The following AOPEP variants were observed in gnomAD, a reference collection of about 807,000 sequenced individuals.
AOPEP encodes aminopeptidase O (putative).
In AOPEP, 77 loss-of-function variants were observed where a neutral mutation model predicts 98.1. The ratio of observed to expected loss-of-function variants is 0.78; its 90% CI spans 0.65 to 0.95. The LOEUF is 0.95. AOPEP is among the 40% of genes least tolerant of loss of function. The pLI, the probability that AOPEP is intolerant of heterozygous loss-of-function variation, is 0.00. For missense variants in AOPEP, 1,024 were observed against 1,024.7 expected, an observed-to-expected ratio of 1.00 and a Z score of 0.01; for synonymous variants, 346 against 365.3, an observed-to-expected ratio of 0.95 and a Z score of 0.60.
the AOPEP span, among the ~76,000 whole-genome samples, chr9:95,115,139 A>G: frequency 6.6e-6 from 1 of 152,094 alleles, no homozygotes; most frequent in Non-Finnish European, 1.5e-5. Flanking sequence ...ATGAGGTTTC[A>G]CTATGTTTCT....
chr9:95,149,623 C>A, the AOPEP span, among the ~76,000 whole-genome samples: 2 of 151,966 alleles, frequency 1.3e-5, no homozygotes, highest in Admixed American at 1.3e-4. Context: ...GGATTAGAGG[C>A]ACACACCACC....
chr9:94,831,307 G>A (rs1314218347), intron 5 of AOPEP, among the ~76,000 whole-genome samples: 2 of 152,180 alleles, frequency 1.3e-5, no homozygotes, highest in Non-Finnish European at 2.9e-5. Flanking sequence ...TTATTAAATA[G>A]GGAATCCTTT....
chr9:94,795,082 A>C (rs1258385179), intron 4 of AOPEP, among the ~76,000 whole-genome samples: 2 of 152,248 alleles, frequency 1.3e-5, no homozygotes, highest in Non-Finnish European at 2.9e-5. Flanking sequence ...CCTGCAAAAC[A>C]GATTGGATAG....
At chr9:94,743,253 GGAA>G (rs139005545) in intron 1 of AOPEP, among the ~76,000 whole-genome samples, 44 of 129,612 alleles carry the variant, frequency 3.4e-4, no homozygotes, top group Non-Finnish European at 4.8e-4. Context: ...AGGAAGAAGA[GGAA>G]GAAGAAGAAG....
chr9:94,841,578 T>C (rs1407292354), intron 5 of AOPEP, among the ~76,000 whole-genome samples: 2 of 152,246 alleles, frequency 1.3e-5, no homozygotes, highest in Non-Finnish European at 2.9e-5. Flanking sequence ...AGATGTGTGT[T>C]GTTTGAGTTG....
At chr9:94,895,598 C>CT (rs1056278704) in intron 5 of AOPEP, among the ~76,000 whole-genome samples, 14 of 151,238 alleles carry the variant, frequency 9.3e-5, no homozygotes, top group Non-Finnish European at 2.1e-4. Flanking sequence ...TTTCTTTTTT[C>CT]TTTTTTTTGA....
chr9:94,793,041 G>T (rs1476935482), intron 4 of AOPEP, 123 bp downstream of exon 4: 30 of 1,128,698 alleles, frequency 2.7e-5, no homozygotes, highest in Non-Finnish European at 3.5e-5. Flanking sequence ...ACCAAAATAG[G>T]ATTAATCAAA....
chr9:94,736,821 T>C (rs374872316), intron 1 of AOPEP, among the ~76,000 whole-genome samples: 2 of 152,224 alleles, frequency 1.3e-5, no homozygotes, highest in African/African-American at 4.8e-5. Context: ...TCAACTGTGG[T>C]ACTCAAAATC....
chr9:95,136,491 T>TA, the AOPEP span, among the ~76,000 whole-genome samples: 191 of 144,296 alleles, frequency 1.3e-3, no homozygotes, highest in Middle Eastern at 7.2e-3. Context: ...AAGATTCCTT[T>TA]AAAAAAAAAA....
At chr9:94,987,214 C>T (rs980628422) in intron 11 of AOPEP, among the ~76,000 whole-genome samples, 9 of 152,332 alleles carry the variant, frequency 5.9e-5, no homozygotes, top group South Asian at 4.1e-4. Context: ...AAATAACTGA[C>T]GTAAGGCAGA....
intron 11 of AOPEP, among the ~76,000 whole-genome samples, chr9:94,987,941 T>A (rs1026396013): frequency 2.0e-5 from 3 of 152,002 alleles, no homozygotes; most frequent in Non-Finnish European, 2.9e-5. Flanking sequence ...CATGTTTAGA[T>A]AAACATGGTC....
chr9:94,800,926 G>A lies in AOPEP; in HGVS notation c.1288G>A (p.Val430Ile), dbSNP rs766134477. The stretch of plus-strand genomic sequence containing the variant: ...TCCTTGCCTCTCAGCAGCACATTCT[G>A]TTCTGGGAGCACACCCGTTCTCTCG... ...IPPCLSAAHS[V>I]LGAHPFSRLD... The change falls in exon 5 of 17, where the codon GTT becomes ATT. Residue 430 changes from valine (V) to isoleucine (I), a missense_variant. By Grantham distance (29) the Val-to-Ile change is conservative (BLOSUM62 3). This residue lies in a region of AOPEP where 566 missense variants were observed against 551.7 expected (regional missense o/e 1.03). Coordinates refer to ENST00000375315, the MANE Select transcript of AOPEP (RefSeq NM_001193329.3). 2 of 1,614,130 alleles carry A rather than the reference G, an allele frequency of 1.2e-6. No individual in the cohort carries two copies. The highest frequency in any genetic ancestry group is 1.7e-6 in the Non-Finnish European group (2 of 1,180,042).
chr9:95,108,347 T>C, the AOPEP span, among the ~76,000 whole-genome samples: 1 of 152,230 alleles, frequency 6.6e-6, no homozygotes. Flanking sequence ...CTGCCGGGTC[T>C]GATGGTGTCT....
the AOPEP span, among the ~76,000 whole-genome samples, chr9:95,113,251 C>T: frequency 3.3e-5 from 5 of 152,194 alleles, no homozygotes; most frequent in South Asian, 2.1e-4. Context: ...CCATCAATCA[C>T]GGAGCTGGAC....
chr9:94,746,734 A>G (rs923234549), intron 1 of AOPEP, among the ~76,000 whole-genome samples: 1 of 152,228 alleles, frequency 6.6e-6, no homozygotes, highest in African/African-American at 2.4e-5. Flanking sequence ...GATGTGATCA[A>G]CAAAGCCAGA....
chr9:94,944,036 A>G (rs1209472956), intron 7 of AOPEP, among the ~76,000 whole-genome samples: 2 of 152,164 alleles, frequency 1.3e-5, no homozygotes, highest in African/African-American at 4.8e-5. Flanking sequence ...GCTATCAGGA[A>G]ATACAAATCA....
intron 14 of AOPEP, among the ~76,000 whole-genome samples, chr9:95,061,695 A>G (rs2067329656): frequency 6.6e-6 from 1 of 152,244 alleles, no homozygotes; most frequent in South Asian, 2.1e-4. Flanking sequence ...TGAATTTTAT[A>G]ATCATTAAAA....
At chr9:95,063,714 T>C (rs2067551193) in intron 14 of AOPEP, among the ~76,000 whole-genome samples, 1 of 152,108 alleles carries the variant, frequency 6.6e-6, no homozygotes, top group Non-Finnish European at 1.5e-5. Context: ...GAAATAGTGT[T>C]GATTGAAAGG....
At chr9:94,957,000 C>T (rs1432547540) in intron 9 of AOPEP, among the ~76,000 whole-genome samples, 1 of 152,104 alleles carries the variant, frequency 6.6e-6, no homozygotes, top group African/African-American at 2.4e-5. Flanking sequence ...AAAAGCAATT[C>T]GAAAACTGGT....
Sources: allele counts gnomAD v4.1 joint callset (sites outside exome capture counted in the v4.1 genomes callset), GRCh38; gene constraint gnomAD v4.1.1; regional missense constraint gnomAD v4.1.1; transcripts MANE v1.5; gene names NCBI Gene and HGNC (gene_info 2026-07-23, HGNC 2026-07-21).